SGCZ: variants seen among roughly 807,000 people sequenced by gnomAD.
The protein encoded by SGCZ is zeta-sarcoglycan.
In SGCZ, 40 loss-of-function variants were observed where a neutral mutation model predicts 41.3. That is an observed-to-expected ratio of 0.97 (90% confidence interval 0.75 to 1.26). The LOEUF (loss-of-function observed/expected upper bound fraction) is 1.26. Among genes scored for constraint, SGCZ ranks in the 50% most tolerant of loss-of-function variants. SGCZ has a pLI of 0.00. For synonymous variants in SGCZ, 206 were observed against 137.5 expected, an observed-to-expected ratio of 1.50 and a Z score of -3.49; for missense variants, 552 against 369.8, an observed-to-expected ratio of 1.49 and a Z score of -4.04.
At chr8:14,442,421 G>A (rs1181545856) in intron 2 of SGCZ, among the ~76,000 whole-genome samples, 4 of 152,142 alleles carry the variant, frequency 2.6e-5, no homozygotes, top group African/African-American at 7.2e-5. Flanking sequence ...GTGGAACTGT[G>A]AGTCCATTAA....
intron 1 of SGCZ, among the ~76,000 whole-genome samples, chr8:14,955,234 T>C (rs780000577): frequency 1.3e-5 from 2 of 152,198 alleles, no homozygotes; most frequent in Non-Finnish European, 2.9e-5. Context: ...TTGCTTCTTT[T>C]CTTCAATGTT....
chr8:14,791,056 A>G (rs1170983187), intron 1 of SGCZ, among the ~76,000 whole-genome samples: 2 of 151,976 alleles, frequency 1.3e-5, no homozygotes, highest in East Asian at 3.9e-4. Flanking sequence ...AAAAAAGAAA[A>G]ATAGGATACA....
intron 2 of SGCZ, among the ~76,000 whole-genome samples, chr8:14,453,245 T>C (rs73188260): frequency 0.011 from 1,724 of 152,328 alleles, 25 homozygotes; most frequent in East Asian, 0.076. Flanking sequence ...GTCTTCATTG[T>C]GAGCAGCCTA....
chr8:14,868,374 C>T (rs146317247), intron 1 of SGCZ, among the ~76,000 whole-genome samples: 472 of 152,236 alleles, frequency 3.1e-3, no homozygotes, highest in Non-Finnish European at 5.9e-3. Context: ...ACCAGTACAG[C>T]CACCATCTAT....
At chr8:14,219,870 G>T in intron 4 of SGCZ, among the ~76,000 whole-genome samples, 1 of 151,920 alleles carries the variant, frequency 6.6e-6, no homozygotes, top group East Asian at 1.9e-4. Context: ...TAGGGAAAAC[G>T]TTTCTACAAC....
At chr8:14,146,890 A>AAAT (rs1554467202) in intron 5 of SGCZ, among the ~76,000 whole-genome samples, 23 of 116,180 alleles carry the variant, frequency 2.0e-4, no homozygotes, top group African/African-American at 8.3e-4. Context: ...AAAATAAAAA[A>AAAT]AATAATAATA....
At chr8:14,391,846 T>C (rs1262389937) in intron 2 of SGCZ, among the ~76,000 whole-genome samples, 1 of 152,142 alleles carries the variant, frequency 6.6e-6, no homozygotes, top group Non-Finnish European at 1.5e-5. Flanking sequence ...CTTTCAATGG[T>C]GGAGCTTTGC....
chr8:14,832,266 G>A (rs892517470), intron 1 of SGCZ, among the ~76,000 whole-genome samples: 2 of 152,036 alleles, frequency 1.3e-5, no homozygotes, highest in African/African-American at 4.8e-5. Flanking sequence ...TATCAATAAA[G>A]CTATTATGTG....
intron 1 of SGCZ, among the ~76,000 whole-genome samples, chr8:14,817,693 C>G (rs1288010158): frequency 6.6e-6 from 1 of 152,190 alleles, no homozygotes; most frequent in Non-Finnish European, 1.5e-5. Context: ...CTCATTCCGC[C>G]AGGGAACAAC....
At chr8:14,942,933 G>A (rs1004049705) in intron 1 of SGCZ, among the ~76,000 whole-genome samples, 5 of 152,074 alleles carry the variant, frequency 3.3e-5, no homozygotes, top group Non-Finnish European at 5.9e-5. Flanking sequence ...ACTCTTCAGA[G>A]AGTACTATTT....
intron 1 of SGCZ, among the ~76,000 whole-genome samples, chr8:15,118,137 G>T (rs1412072695): frequency 6.6e-6 from 1 of 152,096 alleles, no homozygotes; most frequent in African/African-American, 2.4e-5. Flanking sequence ...ACATTGTTAA[G>T]TTTTATAAAT....
At chr8:14,530,903 A>G (rs574791573) in intron 2 of SGCZ, among the ~76,000 whole-genome samples, 3 of 152,214 alleles carry the variant, frequency 2.0e-5, no homozygotes, top group South Asian at 2.1e-4. Flanking sequence ...TTGCTTGATC[A>G]TAATAGGTAA....
intron 1 of SGCZ, among the ~76,000 whole-genome samples, chr8:15,025,523 G>A (rs1803423008): frequency 1.3e-5 from 2 of 152,152 alleles, no homozygotes; most frequent in South Asian, 4.1e-4. Context: ...AAAACCACAG[G>A]TTAAGAAAGA....
At chr8:15,150,811 G>A (rs1371699779) in intron 1 of SGCZ, among the ~76,000 whole-genome samples, 1 of 152,212 alleles carries the variant, frequency 6.6e-6, no homozygotes, top group African/African-American at 2.4e-5. Flanking sequence ...AGCTAAGGCT[G>A]TGGTTTTTTT....
intron 2 of SGCZ, among the ~76,000 whole-genome samples, chr8:14,452,873 C>T (rs1800634732): frequency 6.6e-6 from 1 of 152,082 alleles, no homozygotes; most frequent in South Asian, 2.1e-4. Context: ...GAGGCTGAGA[C>T]AGCTGGATCA....
rs368073276 is a variant in SGCZ at position 14,428,623 on chromosome 8, T to C, written c.235-104419A>G. On this transcript the variant is annotated intron_variant, in intron 2 of 7. Coordinates refer to ENST00000382080, the MANE Select transcript of SGCZ (RefSeq NM_139167.4). ...TTTACTTTGAACTTTAGAAAATAGA[T>C]TCACAAAGAAATACTGTGTTCAGCT... Among the ~76,000 whole-genome samples, 10 of 152,326 alleles carry C rather than the reference T, an allele frequency of 6.6e-5. No individual in the cohort carries two copies. In the East Asian group the frequency reaches 1.2e-3, roughly 18 times the overall value.
intron 1 of SGCZ, among the ~76,000 whole-genome samples, chr8:15,016,816 G>A (rs1803054782): frequency 6.6e-6 from 1 of 152,096 alleles, no homozygotes; most frequent in African/African-American, 2.4e-5. Context: ...AGGGCCTCAG[G>A]AAGCTTTTAC....
At chr8:15,065,957 T>C (rs1056125059) in intron 1 of SGCZ, among the ~76,000 whole-genome samples, 1 of 152,174 alleles carries the variant, frequency 6.6e-6, no homozygotes, top group Non-Finnish European at 1.5e-5. Flanking sequence ...TTTTTAAATC[T>C]TAAGTTAATT....
intron 1 of SGCZ, among the ~76,000 whole-genome samples, chr8:14,624,296 T>C (rs1219672771): frequency 3.3e-5 from 5 of 152,110 alleles, no homozygotes; most frequent in African/African-American, 1.2e-4. Context: ...ATGTTTATAA[T>C]GCCAAGAAAG....
Sources: gnomAD v4.1 joint callset for allele counts (sites outside exome capture counted in the v4.1 genomes callset) on GRCh38, gnomAD v4.1.1 for gene constraint, MANE v1.5 for transcripts, NCBI Gene and HGNC (gene_info 2026-07-23, HGNC 2026-07-21) for gene names.